Variants in PLXDC1 observed in about 807,000 individuals in gnomAD.
PLXDC1 encodes plexin domain-containing protein 1.
A neutral mutation model predicts 61.3 loss-of-function variants in PLXDC1; 39 were observed. The ratio of observed to expected loss-of-function variants is 0.64; its 90% confidence interval spans 0.49 to 0.83. PLXDC1 has a LOEUF of 0.83. Among genes scored for constraint, PLXDC1 ranks in the 40% least tolerant of loss-of-function variants. PLXDC1 has a pLI of 0.00. For missense variants in PLXDC1, 596 were observed against 666.5 expected, an observed-to-expected ratio of 0.89 and a Z score of 1.17; for synonymous variants, 212 against 254.5, an observed-to-expected ratio of 0.83 and a Z score of 1.59.
chr17:39,125,410 G>A (rs1285674265), intron 2 of PLXDC1, among the ~76,000 whole-genome samples: 2 of 151,924 alleles, frequency 1.3e-5, no homozygotes, highest in Non-Finnish European at 2.9e-5. Context: ...ATATGGACTG[G>A]CATTGGGGGT....
chr17:39,149,846 CAGA>C (rs1567776554), intron 1 of PLXDC1, among the ~76,000 whole-genome samples: 1 of 152,182 alleles, frequency 6.6e-6, no homozygotes, highest in African/African-American at 2.4e-5. Context: ...ACCCAGAGTT[CAGA>C]AGATCACACC....
intron 2 of PLXDC1, 122 bp downstream of exon 2, chr17:39,139,532 T>C: frequency 1.1e-6 from 1 of 914,036 alleles, no homozygotes; most frequent in Non-Finnish European, 1.6e-6. Context: ...CTCTCCACCC[T>C]GTCCTCCGGG....
chr17:39,148,994 T>C (rs1285263112), intron 1 of PLXDC1, among the ~76,000 whole-genome samples: 2 of 152,152 alleles, frequency 1.3e-5, no homozygotes, highest in Non-Finnish European at 2.9e-5. Flanking sequence ...TCGCTGCCTC[T>C]TCTTTATCTG....
In PLXDC1 at chr17:39,072,233, T is replaced by C. The variant is rs1457450691; in HGVS notation, c.1222+217A>G. The C allele has an allele frequency of 2.9e-5, 17 of 581,542 alleles. 1 individual carries two copies. Among genetic ancestry groups the C allele is most frequent in the Admixed American group, 1.2e-4 (4 of 33,438 alleles). 36.0% of individuals were successfully genotyped at this position (581,542 alleles called of 1,614,324 possible). On this transcript the variant is annotated intron_variant, in intron 12 of 13. Coordinates refer to ENST00000315392, the MANE Select transcript of PLXDC1 (RefSeq NM_020405.5). Reference sequence around the variant, plus strand: ...AACCACAGGAGGTTCAGGGCTGAGATGAGAAATGTCTAGGGTAGACATGTT... The same window carrying C: ...AACCACAGGAGGTTCAGGGCTGAGACGAGAAATGTCTAGGGTAGACATGTT...
intron 7 of PLXDC1, 64 bp from the exon 8 acceptor site, chr17:39,087,766 C>A: frequency 8.5e-7 from 1 of 1,173,554 alleles, no homozygotes; most frequent in Admixed American, 1.9e-5. Context: ...GAGGCCTCTT[C>A]CCGGACAGTC....
upstream of PLXDC1, chr17:39,152,673 A>G (rs532305274): frequency 2.9e-4 from 361 of 1,234,534 alleles, no homozygotes; most frequent in Non-Finnish European, 3.6e-4. Context: ...GCGAACGCTG[A>G]GCGCCATTGG....
rs376829807 is a variant in PLXDC1, at chr17:39,107,487, G to T, written c.631C>A (p.Gln211Lys). The change falls in exon 6 of 14, where the codon CAA (glutamine) becomes AAA (lysine). Residue 211 changes from glutamine to lysine, a missense_variant. By Grantham distance (53) the Gln-to-Lys change is moderately conservative (BLOSUM62 1). Transcript: ENST00000315392. ...AAACTGCCCTTGTCTTCCCAGCCTT[G>T]GAGATAAACGTGGTCCCACTGAACC... ...FVVQWDHVYL[Q>K]GWEDKGSFTF... is the part of the protein sequence containing the mutation. 1.1e-4 allele frequency: 180 copies of T among 1,613,888 alleles called. No individual in the cohort carries two copies. The highest frequency in any genetic ancestry group is 1.5e-4 in the Non-Finnish European group (173 of 1,179,872).
chr17:39,089,547 C>T (rs570726315), intron 7 of PLXDC1, among the ~76,000 whole-genome samples: 22 of 152,220 alleles, frequency 1.4e-4, no homozygotes, highest in Admixed American at 8.5e-4. Context: ...ACTTCAGTAT[C>T]CTCCGTGCAC....
chr17:39,112,665 C>G (rs183134180), intron 2 of PLXDC1, among the ~76,000 whole-genome samples: 36 of 152,116 alleles, frequency 2.4e-4, no homozygotes, highest in Non-Finnish European at 4.1e-4. Context: ...AACTACGAGC[C>G]CCTGACACGC....
At chr17:39,125,340 G>C (rs1911283331) in intron 2 of PLXDC1, among the ~76,000 whole-genome samples, 1 of 152,246 alleles carries the variant, frequency 6.6e-6, no homozygotes, top group South Asian at 2.1e-4. Flanking sequence ...ATGTCAGAGT[G>C]AGTGAGGCTG....
intron 12 of PLXDC1, chr17:39,070,380 A>G (rs549557457): frequency 5.0e-5 from 9 of 180,792 alleles, no homozygotes; most frequent in South Asian, 3.3e-4. Context: ...GTTGAAATCT[A>G]TGCTCTGCCA....
intron 7 of PLXDC1, among the ~76,000 whole-genome samples, chr17:39,092,519 G>A (rs1248477211): frequency 6.6e-6 from 1 of 152,236 alleles, no homozygotes; most frequent in Non-Finnish European, 1.5e-5. Context: ...TCTGTGCAGG[G>A]GCTGTGCTGA....
intron 5 of PLXDC1, chr17:39,107,890 T>A (rs953403160): frequency 1.7e-5 from 10 of 587,318 alleles, no homozygotes; most frequent in Non-Finnish European, 2.4e-5. Context: ...TAACATTTAT[T>A]TTACCTCGAC....
intron 2 of PLXDC1, among the ~76,000 whole-genome samples, chr17:39,111,473 C>T (rs964943810): frequency 2.6e-5 from 4 of 152,118 alleles, no homozygotes; most frequent in Non-Finnish European, 5.9e-5. Flanking sequence ...TTAGTGGAGA[C>T]GGGGTTTTAC....
rs115172629 is a variant in PLXDC1, at chr17:39,124,550, G to A, written c.255+15104C>T. Among the ~76,000 whole-genome samples the A allele has an allele frequency of 7.2e-3, 1,104 of 152,298 alleles. 13 individuals carry two copies. The highest frequency in any genetic ancestry group is 0.024 in the African/African-American group (1,017 of 41,564). ...CAAGGCTGCAGTGAACTATGTTCAC[G>A]CCACTGTGTTCCAGCCTGGGCAACA... On this transcript the variant is annotated intron_variant, in intron 2 of 13. Coordinates refer to ENST00000315392, the MANE Select transcript of PLXDC1 (RefSeq NM_020405.5).
intron 8 of PLXDC1, among the ~76,000 whole-genome samples, 194 bp downstream of exon 8, chr17:39,087,413 C>T (rs916845584): frequency 2.0e-5 from 3 of 152,182 alleles, no homozygotes; most frequent in African/African-American, 7.2e-5. Context: ...TGCTCAACTC[C>T]ACCTAGGTGG....
Position 39,146,101 on chromosome 17 carries a change from C to T in PLXDC1, c.76+5261G>A, listed in dbSNP as rs187425320. 1.2e-3 allele frequency among the ~76,000 whole-genome samples: 166 copies of T among 141,286 alleles called. 2 individuals are homozygous for T. The highest frequency in any genetic ancestry group is 1.9e-3 in the Non-Finnish European group (128 of 66,694). 92.7% of individuals were successfully genotyped at this position (141,286 alleles called of 152,430 possible). A position where few individuals can be genotyped will look rare whatever the true frequency, so the allele number is the denominator to read the frequency against. ...TTTTTTTTTTTTTGAGAGGGAATCT[C>T]GATATGTCACCCAGGCTGGAGTACA... is the stretch of plus-strand genomic sequence containing the variant. On this transcript the variant is annotated intron_variant, in intron 1 of 13. Coordinates refer to ENST00000315392, the MANE Select transcript of PLXDC1 (RefSeq NM_020405.5).
At chr17:39,095,055 A>G (rs1910097621) in intron 7 of PLXDC1, among the ~76,000 whole-genome samples, 1 of 152,200 alleles carries the variant, frequency 6.6e-6, no homozygotes, top group Non-Finnish European at 1.5e-5. Flanking sequence ...AGTGGCAGCC[A>G]GGGAAGCCAA....
chr17:39,072,134 C>T, intron 12 of PLXDC1: 1 of 417,252 alleles, frequency 2.4e-6, no homozygotes, highest in Non-Finnish European at 4.4e-6. Flanking sequence ...CCTATACCTG[C>T]CCTGGCTCAG....
Sources: allele counts gnomAD v4.1 joint callset (sites outside exome capture counted in the v4.1 genomes callset), GRCh38; gene constraint gnomAD v4.1.1; transcripts MANE v1.5; gene names NCBI Gene and HGNC (gene_info 2026-07-23, HGNC 2026-07-21).